Variants in ATP6V1B1 observed in about 807,000 individuals in gnomAD.
ATP6V1B1 encodes ATPase H+ transporting V1 subunit B1.
In ATP6V1B1, 41 loss-of-function variants were observed where a neutral mutation model predicts 62.1. That is an observed-to-expected ratio of 0.66 (90% CI 0.51 to 0.86). The LOEUF (loss-of-function observed/expected upper bound fraction) is 0.86, where lower values mean the gene tolerates loss of function less well. ATP6V1B1 is among the 40% of genes least tolerant of loss of function. ATP6V1B1 has a pLI of 0.00. For synonymous variants in ATP6V1B1, 253 were observed against 273.4 expected (o/e 0.93, Z 0.74); for missense variants, 651 against 697.5 (o/e 0.93, Z 0.75).
Position 70,941,149 on chromosome 2 carries a change from C to A in ATP6V1B1, c.119-2509C>A, listed in dbSNP as rs186249723. On this transcript the variant is annotated intron_variant, in intron 1 of 13. Coordinates refer to ENST00000234396, the MANE Select transcript of ATP6V1B1 (RefSeq NM_001692.4). ...CCCAGGCTGGTCTCGAACTCCTGGG[C>A]TCAAGTGATCCACCCACCTCAGCCT... 3.1e-5 allele frequency: 19 copies of A among 618,670 alleles called. No individual in the cohort carries two copies. In the South Asian group the frequency reaches 9.2e-4, roughly 30 times the overall value. The allele number at this position is 618,670 out of a possible 1,614,324, so 38.3% of individuals were successfully genotyped here.
chr2:70,962,866 C>T lies in ATP6V1B1; in HGVS notation c.875C>T (p.Thr292Met), dbSNP rs141815629. Residue 292 changes from threonine (T) to methionine (M), a missense_variant, in exon 9 of 14, where the codon ACG becomes ATG. Physicochemically the swap from Thr to Met is moderately conservative, Grantham distance 81. Coordinates refer to ENST00000234396, the MANE Select transcript of ATP6V1B1 (RefSeq NM_001692.4). ...GAGAAGCATGTGCTGGTCATACTGACGGACATGAGTTCCTATGCAGAGGCC... is the reference window on the plus strand; with the variant it reads ...GAGAAGCATGTGCTGGTCATACTGATGGACATGAGTTCCTATGCAGAGGCC... ...QCEKHVLVIL[T>M]DMSSYAEALR... 66 of 1,614,046 alleles carry T rather than the reference C, an allele frequency of 4.1e-5. No homozygotes were observed. The highest frequency in any genetic ancestry group is 4.7e-5 in the Non-Finnish European group (55 of 1,180,030).
intron 2 of ATP6V1B1, 131 bp from the exon 3 acceptor site, chr2:70,957,915 G>A: frequency 1.1e-6 from 1 of 873,866 alleles, no homozygotes; most frequent in Non-Finnish European, 1.9e-6. Context: ...AGCCCCTTGA[G>A]TTCATTTCCA....
intron 2 of ATP6V1B1, chr2:70,956,137 C>T (rs1553419020): frequency 1.4e-5 from 3 of 220,570 alleles, no homozygotes; most frequent in Admixed American, 1.3e-4. Flanking sequence ...TGCCTGTTCT[C>T]TTTTTACAAT....
In ATP6V1B1 at chr2:70,959,859, C is replaced by G; in HGVS notation, c.446-80C>G. On this transcript the variant is annotated intron_variant, in intron 5 of 13. Coordinates refer to ENST00000234396, the MANE Select transcript of ATP6V1B1 (RefSeq NM_001692.4). This position sits in a 1 kb window ranked among gnomAD's most constrained non-coding sequence, Gnocchi z 4.2. ...GAAAGTTCCGTCAAACAGGGCGGCT[C>G]TGGAGTCTGGGGTCAGTGTCGAGGA... 1 of 1,611,002 alleles carries G rather than the reference C, an allele frequency of 6.2e-7. No individual in the cohort carries two copies. The highest frequency in any genetic ancestry group is 8.5e-7 in the Non-Finnish European group (1 of 1,178,058).
Position 70,959,852 on chromosome 2 carries a change from G to A in ATP6V1B1, c.446-87G>A. On this transcript the variant is annotated intron_variant, in intron 5 of 13. Coordinates refer to ENST00000234396, the MANE Select transcript of ATP6V1B1 (RefSeq NM_001692.4). This position sits in a 1 kb window ranked among gnomAD's most constrained non-coding sequence, Gnocchi z 4.2. ...CATCACAGAAAGTTCCGTCAAACAG[G>A]GCGGCTCTGGAGTCTGGGGTCAGTG... 6.2e-7 allele frequency: 1 copy of A among 1,605,220 alleles called. No individual in the cohort carries two copies. Among genetic ancestry groups the A allele is most frequent in the Non-Finnish European group, 8.5e-7 (1 of 1,173,588 alleles).
intron 11 of ATP6V1B1, chr2:70,964,021 G>A (rs373210193): frequency 1.3e-4 from 56 of 431,700 alleles, no homozygotes; most frequent in African/African-American, 1.1e-3. Flanking sequence ...TATTTGCTTC[G>A]GTGGGCAGAA....
chr2:70,965,358 CT>C lies in ATP6V1B1; in HGVS notation c.*238del. On this transcript the variant is annotated 3_prime_UTR_variant, in exon 14 of 14. Transcript: ENST00000234396. ...AAGAACTGAAGGTTGCGATGCCTTA[CT>C]CTGACGGGAGCATCTGTATTTTTAT... 1 of 600,966 alleles carries C rather than the reference CT, an allele frequency of 1.7e-6. No homozygotes were observed. Among genetic ancestry groups the C allele is most frequent in the Non-Finnish European group, 2.9e-6 (1 of 340,746 alleles). The allele number at this position is 600,966 out of a possible 1,614,324, so 37.2% of individuals were successfully genotyped here.
chr2:70,961,517 C>T, intron 7 of ATP6V1B1, 79 bp from the exon 8 acceptor site: 1 of 1,457,546 alleles, frequency 6.9e-7, no homozygotes, highest in Admixed American at 1.7e-5. Flanking sequence ...ACAGGCTTTC[C>T]TGAGGACACC....
rs782130714 is a variant in ATP6V1B1 at position 70,959,048 on chromosome 2, T to C, written c.398T>C (p.Ile133Thr). 4.3e-6 allele frequency: 7 copies of C among 1,614,020 alleles called. No individual in the cohort carries two copies. Among genetic ancestry groups the C allele is most frequent in the South Asian group, 2.2e-5 (2 of 91,086 alleles). ...GTTTTCAATGGCTCCGGCAAGCCCA[T>C]TGACAAGGGGCCAGTGGTCATGGCG... ...GRVFNGSGKP[I>T]DKGPVVMAED... Residue 133 changes from isoleucine to threonine, a missense_variant, in exon 5 of 14, where the codon ATT becomes ACT. Ile to Thr is a moderately conservative substitution (Grantham distance 89). Transcript: ENST00000234396. The surrounding 1 kb of genome is among the most constrained non-coding windows in gnomAD (Gnocchi z 4.2).
In ATP6V1B1 at chr2:70,943,703, A is replaced by C; in HGVS notation, c.164A>C (p.Asp55Ala). Residue 55 changes from aspartate (D) to alanine (A), a missense_variant, in exon 2 of 14, where the codon GAC becomes GCC. Coordinates refer to ENST00000234396, the MANE Select transcript of ATP6V1B1 (RefSeq NM_001692.4). ...CSVNGPLVVLDRVKFAQYAEI... is the reference protein window; with the variant it reads ...CSVNGPLVVLARVKFAQYAEI... ...GTGAACGGGCCCCTGGTGGTGCTGG[A>C]CCGGGTCAAGGTAAGACTCTTCTGC... 6.2e-7 allele frequency: 1 copy of C among 1,613,764 alleles called. No homozygotes were observed. Among genetic ancestry groups the C allele is most frequent in the Non-Finnish European group, 8.5e-7 (1 of 1,179,952 alleles).
intron 1 of ATP6V1B1, chr2:70,942,045 A>C: frequency 8.9e-7 from 1 of 1,128,296 alleles, no homozygotes; most frequent in Non-Finnish European, 1.1e-6. Flanking sequence ...TGTACTGGAA[A>C]CATCAGAGCT....
chr2:70,942,398 A>T (rs1439737090), intron 1 of ATP6V1B1: 7 of 398,566 alleles, frequency 1.8e-5, no homozygotes, highest in Non-Finnish European at 3.1e-5. Context: ...TCTGTGCAAG[A>T]ATCACCGTGC....
chr2:70,940,793 G>T (rs554720854), intron 1 of ATP6V1B1: 4 of 985,354 alleles, frequency 4.1e-6, no homozygotes, highest in Non-Finnish European at 4.8e-6. Context: ...TCGGGAGGGG[G>T]CACACAATGG....
At position 70,961,662 on chromosome 2, in the gene ATP6V1B1, T is replaced by C. The variant is rs1680590539; in HGVS notation, c.754T>C (p.Cys252Arg). Residue 252 changes from cysteine (C) to arginine (R), a missense_variant, in exon 8 of 14, where the codon TGC becomes CGC. Physicochemically the swap from Cys to Arg is radical, Grantham distance 180. Coordinates refer to ENST00000234396, the MANE Select transcript of ATP6V1B1 (RefSeq NM_001692.4). ...FEQNGTMGNV[C>R]LFLNLANDPT... Reference sequence around the variant, plus strand: ...GCAGAATGGAACCATGGGGAACGTCTGCCTCTTCCTGAACTTGGCCAATGA... The same window carrying C: ...GCAGAATGGAACCATGGGGAACGTCCGCCTCTTCCTGAACTTGGCCAATGA... The C allele has an allele frequency of 1.9e-6, 3 of 1,614,094 alleles. No homozygotes were observed. The highest frequency in any genetic ancestry group is 2.5e-6 in the Non-Finnish European group (3 of 1,180,028).
In ATP6V1B1 at chr2:70,963,133, T is replaced by TCTTA; in HGVS notation, c.910-27_910-24dup. ...CCTAGCTTCAGCCTCTCATCCCCTT[T>TCTTA]CTTACCCCAGTGCCCATGGATATTG... On this transcript the variant is annotated intron_variant, in intron 9 of 13. Coordinates refer to ENST00000234396, the MANE Select transcript of ATP6V1B1 (RefSeq NM_001692.4). This position sits in a 1 kb window ranked among gnomAD's most constrained non-coding sequence, Gnocchi z 4.3. 6.2e-7 allele frequency: 1 copy of TCTTA among 1,613,900 alleles called. No individual in the cohort carries two copies. The highest frequency in any genetic ancestry group is 8.5e-7 in the Non-Finnish European group (1 of 1,179,970).
intron 2 of ATP6V1B1, among the ~76,000 whole-genome samples, chr2:70,951,037 G>A (rs958946873): frequency 7.5e-5 from 10 of 132,552 alleles, no homozygotes; most frequent in African/African-American, 1.7e-4. Context: ...CCAGCTCCCC[G>A]GTTCAAGCGA....
chr2:70,936,562 A>C (rs576875142), intron 1 of ATP6V1B1, among the ~76,000 whole-genome samples: 62 of 152,118 alleles, frequency 4.1e-4, no homozygotes, highest in African/African-American at 1.4e-3. Context: ...CAATGGGTGC[A>C]TGTCGTATGT....
chr2:70,937,331 G>A (rs1679881584), intron 1 of ATP6V1B1, among the ~76,000 whole-genome samples: 1 of 152,042 alleles, frequency 6.6e-6, no homozygotes, highest in East Asian at 1.9e-4. Flanking sequence ...AGGGGCCCGG[G>A]GGCGCATGGG....
intron 12 of ATP6V1B1, 70 bp from the exon 13 acceptor site, chr2:70,964,666 G>A (rs1680675159): frequency 1.2e-6 from 2 of 1,612,582 alleles, no homozygotes; most frequent in East Asian, 2.2e-5. Flanking sequence ...TCCCAGTGTG[G>A]CCAGGTTGGG....
Sources: allele counts gnomAD v4.1 joint callset (sites outside exome capture counted in the v4.1 genomes callset), GRCh38; gene constraint gnomAD v4.1.1; non-coding constraint Gnocchi (gnomAD v3.1); transcripts MANE v1.5; gene names NCBI Gene and HGNC (gene_info 2026-07-23, HGNC 2026-07-21).